PPP2R3C: variants seen among roughly 807,000 people sequenced by gnomAD.
The protein encoded by PPP2R3C is protein phosphatase 2 regulatory subunit B''gamma.
In PPP2R3C, 47 loss-of-function variants were observed where a neutral mutation model predicts 63.7. The observed-to-expected ratio is 0.74, with a 90% CI of 0.58 to 0.94. The LOEUF is 0.94. Ranked by LOEUF, PPP2R3C falls within the 40% of genes least tolerant of loss-of-function variation. The pLI, the probability that PPP2R3C is intolerant of heterozygous loss-of-function variation, is 0.00. For missense variants in PPP2R3C, 421 were observed against 518.4 expected (o/e 0.81, Z 1.82); for synonymous variants, 180 against 177.4 (o/e 1.01, Z -0.12).
At position 35,094,896 on chromosome 14, in the gene PPP2R3C, T is replaced by C. The variant is rs749861201; in HGVS notation, c.975+152A>G. 1.2e-4 allele frequency: 85 copies of C among 737,552 alleles called. 1 individual carries two copies. Among genetic ancestry groups the C allele is most frequent in the South Asian group, 4.5e-4 (20 of 44,070 alleles). The allele number at this position is 737,552 out of a possible 1,614,324, so 45.7% of individuals were successfully genotyped here. A position where few individuals can be genotyped will look rare whatever the true frequency, so the allele number is the denominator to read the frequency against. Reference sequence around the variant, plus strand: ...TTGAACCTAGGAAGTGGAGGTTGCATTGAGCGGAGATCACACCACTGCACT... The same window carrying C: ...TTGAACCTAGGAAGTGGAGGTTGCACTGAGCGGAGATCACACCACTGCACT... On this transcript the variant is annotated intron_variant, in intron 10 of 12. Coordinates refer to ENST00000261475, the MANE Select transcript of PPP2R3C (RefSeq NM_017917.4).
chr14:35,095,107 T>C lies in PPP2R3C; in HGVS notation c.916A>G (p.Met306Val), dbSNP rs778212587. Reference sequence around the variant, plus strand: ...ACACGGTCTAAGAAGACATTGGTCATGGTAGCTGTTCCATAGCGTGAGAGT... The same window carrying C: ...ACACGGTCTAAGAAGACATTGGTCACGGTAGCTGTTCCATAGCGTGAGAGT... ...EELSRYGTAT[M>V]TNVFLDRVFQ... Residue 306 changes from methionine (M) to valine (V), a missense_variant, in exon 10 of 13, where the codon ATG (methionine) becomes GTG (valine). This residue lies in a region of PPP2R3C where 231 missense variants were observed against 264.8 expected (regional missense o/e 0.87). Coordinates refer to ENST00000261475, the MANE Select transcript of PPP2R3C (RefSeq NM_017917.4). 3 of 1,609,410 alleles carry C rather than the reference T, an allele frequency of 1.9e-6. No individual in the cohort carries two copies. Among genetic ancestry groups the C allele is most frequent in the Non-Finnish European group, 2.6e-6 (3 of 1,175,688 alleles).
chr14:35,094,355 G>C (rs749463616), intron 10 of PPP2R3C, among the ~76,000 whole-genome samples: 3 of 151,882 alleles, frequency 2.0e-5, no homozygotes, highest in Admixed American at 6.6e-5. Flanking sequence ...ATTTTTTGTA[G>C]AGACAGTCTC....
intron 2 of PPP2R3C, among the ~76,000 whole-genome samples, chr14:35,112,362 C>T (rs1481788635): frequency 2.0e-5 from 3 of 152,178 alleles, no homozygotes; most frequent in Non-Finnish European, 2.9e-5. Flanking sequence ...CTTGGCCTCC[C>T]AAAGTGCTAG....
chr14:35,092,132 G>A (rs1220397661), intron 10 of PPP2R3C, among the ~76,000 whole-genome samples: 3 of 152,112 alleles, frequency 2.0e-5, no homozygotes, highest in Non-Finnish European at 2.9e-5. Context: ...GCAGTGGTAC[G>A]ATCATAGTTC....
Position 35,109,885 on chromosome 14 carries a change from C to G in PPP2R3C, c.338G>C (p.Gly113Ala). Residue 113 changes from glycine (G) to alanine (A), a missense_variant, in exon 4 of 13, where the codon GGA becomes GCA. Physicochemically the swap from Gly to Ala is moderately conservative, Grantham distance 60. Transcript: ENST00000261475. ...TTCGTAATTGATCATCGCTTCCTCT[C>G]CAATCATAGGTGGTGTCTGGTGTTT... is the stretch of plus-strand genomic sequence containing the variant. ...LDKHQTPPMI[G>A]EEAMINYENF... The G allele has an allele frequency of 6.2e-7, 1 of 1,612,130 alleles. No homozygotes were observed. The highest frequency in any genetic ancestry group is 2.2e-5 in the East Asian group (1 of 44,848).
At chr14:35,110,492 A>T in intron 3 of PPP2R3C, 33 bp downstream of exon 3, 1 of 1,410,224 alleles carries the variant, frequency 7.1e-7, no homozygotes, top group Non-Finnish European at 9.9e-7. Context: ...AGAAATGGTT[A>T]ACATCTAAAG....
chr14:35,114,339 T>G (rs981111441), intron 2 of PPP2R3C, among the ~76,000 whole-genome samples: 2 of 152,222 alleles, frequency 1.3e-5, no homozygotes, highest in Non-Finnish European at 2.9e-5. Context: ...GGCATATGAT[T>G]CTTAAAAGGT....
chr14:35,105,474 C>T (rs1482548314), intron 6 of PPP2R3C, among the ~76,000 whole-genome samples: 1 of 151,822 alleles, frequency 6.6e-6, no homozygotes, highest in Non-Finnish European at 1.5e-5. Flanking sequence ...AGCCACCGCG[C>T]CCAGCCAAAA....
At chr14:35,092,060 T>C (rs766518293) in intron 10 of PPP2R3C, among the ~76,000 whole-genome samples, 2 of 151,214 alleles carry the variant, frequency 1.3e-5, no homozygotes, top group East Asian at 2.0e-4. Flanking sequence ...TGTTAAACTA[T>C]AATTTTCTTT....
At position 35,107,230 on chromosome 14, in the gene PPP2R3C, C is replaced by A. The variant is rs138669740; in HGVS notation, c.573+74G>T. On this transcript the variant is annotated intron_variant, in intron 6 of 12. Coordinates refer to ENST00000261475, the MANE Select transcript of PPP2R3C (RefSeq NM_017917.4). ...TTATGAGAACAGCCTGTAATCCCAA[C>A]ACCCAGTGATAACTACAGTTTACAT... The A allele has an allele frequency of 1.2e-3, 1,334 of 1,125,430 alleles. 7 individuals are homozygous for A. In the African/African-American group the frequency reaches 0.018, roughly 15 times the overall value. The allele number at this position is 1,125,430 out of a possible 1,614,324, so 69.7% of individuals were successfully genotyped here.
At chr14:35,105,999 C>G (rs867817138) in intron 6 of PPP2R3C, among the ~76,000 whole-genome samples, 3 of 151,986 alleles carry the variant, frequency 2.0e-5, no homozygotes, top group Non-Finnish European at 4.4e-5. Flanking sequence ...CCTGCCACCA[C>G]GCCCGGCTAA....
At chr14:35,121,851 T>C (rs1215384963) in intron 1 of PPP2R3C, 51 bp downstream of exon 1, 3 of 1,595,004 alleles carry the variant, frequency 1.9e-6, no homozygotes, top group Non-Finnish European at 2.6e-6. Context: ...CCCCTACCTC[T>C]AGGAGTTTAG....
intron 7 of PPP2R3C, among the ~76,000 whole-genome samples, chr14:35,098,413 C>T (rs1197691791): frequency 3.7e-5 from 5 of 134,208 alleles, no homozygotes; most frequent in East Asian, 2.5e-4. Flanking sequence ...AATGCAATAA[C>T]GCGATCTCGG....
intron 6 of PPP2R3C, among the ~76,000 whole-genome samples, chr14:35,107,069 T>C (rs545022514): frequency 6.6e-6 from 1 of 152,332 alleles, no homozygotes; most frequent in African/African-American, 2.4e-5. Context: ...TGTAATTTTG[T>C]TTATTTTAAA....
chr14:35,099,107 C>T (rs1241154449), intron 7 of PPP2R3C, 145 bp downstream of exon 7: 18 of 1,099,760 alleles, frequency 1.6e-5, no homozygotes, highest in Non-Finnish European at 2.2e-5. Context: ...GTTTTTTCTA[C>T]CTTTTTATCT....
chr14:35,097,736 A>G (rs2046044763), intron 7 of PPP2R3C, among the ~76,000 whole-genome samples: 1 of 152,086 alleles, frequency 6.6e-6, no homozygotes, highest in African/African-American at 2.4e-5. Context: ...CACCCATCTT[A>G]GCCTCCCAAC....
At position 35,116,600 on chromosome 14, in the gene PPP2R3C, C is replaced by T; in HGVS notation, c.186+10G>A. The stretch of plus-strand genomic sequence containing the variant: ...AAACTCTGCAGGACATTTGATTAGA[C>T]ACTACTTACCCTATAATAAAACCGG... On this transcript the variant is annotated intron_variant, in intron 2 of 12. Coordinates refer to ENST00000261475, the MANE Select transcript of PPP2R3C (RefSeq NM_017917.4). 1 of 1,558,410 alleles carries T rather than the reference C, an allele frequency of 6.4e-7. No individual in the cohort carries two copies. The highest frequency in any genetic ancestry group is 8.7e-7 in the Non-Finnish European group (1 of 1,154,670).
intron 6 of PPP2R3C, among the ~76,000 whole-genome samples, chr14:35,103,148 TTCC>T (rs1443785321): frequency 7.2e-5 from 11 of 152,226 alleles, no homozygotes; most frequent in African/African-American, 2.4e-4. Context: ...AGCTTAAAAC[TTCC>T]GATGGTTTCC....
rs944000408 is a variant in PPP2R3C, at chr14:35,085,797, T to C, written c.1174-19A>G. Reference sequence around the variant, plus strand: ...TTTCATCCTGCAAGAGAAAAAAAAATACAATGAAATTTGATCCACTTAATT... The same window carrying C: ...TTTCATCCTGCAAGAGAAAAAAAAACACAATGAAATTTGATCCACTTAATT... On this transcript the variant is annotated intron_variant, in intron 12 of 12. Coordinates refer to ENST00000261475, the MANE Select transcript of PPP2R3C (RefSeq NM_017917.4). 4 of 1,560,638 alleles carry C rather than the reference T, an allele frequency of 2.6e-6. No individual in the cohort carries two copies. In the African/African-American group the frequency reaches 5.5e-5, roughly 21 times the overall value.
Sources: gnomAD v4.1 joint callset for allele counts (sites outside exome capture counted in the v4.1 genomes callset) on GRCh38, gnomAD v4.1.1 for gene constraint, gnomAD v4.1.1 regional missense constraint, MANE v1.5 for transcripts, NCBI Gene and HGNC (gene_info 2026-07-23, HGNC 2026-07-21) for gene names.